Variants in DNAJC6 observed in about 807,000 individuals in gnomAD.
The protein encoded by DNAJC6 is auxilin.
A neutral mutation model predicts 110.0 loss-of-function variants in DNAJC6; 34 were observed. The ratio of observed to expected loss-of-function variants is 0.31; its 90% CI spans 0.24 to 0.41. The LOEUF is 0.41. Among genes scored for constraint, DNAJC6 ranks in the 10% least tolerant of loss-of-function variants. The probability of loss-of-function intolerance (pLI) is 1.00; values close to 1 mark genes in which losing one functional copy is unlikely to be tolerated. For missense variants in DNAJC6, 1,031 were observed against 1,207.8 expected (o/e 0.85, Z 2.17); for synonymous variants, 406 against 437.2 (o/e 0.93, Z 0.89).
upstream of DNAJC6, among the ~76,000 whole-genome samples, chr1:65,308,318 TC>T (rs1645063764): frequency 1.3e-5 from 2 of 152,210 alleles, no homozygotes; most frequent in African/African-American, 4.8e-5. Context: ...GGAAACTCTG[TC>T]AAATGACTCT....
intron 1 of DNAJC6, among the ~76,000 whole-genome samples, 184 bp downstream of exon 1, chr1:65,310,122 G>T (rs1452515856): frequency 6.7e-6 from 1 of 149,866 alleles, no homozygotes; most frequent in African/African-American, 2.5e-5. Flanking sequence ...AGGGAGCTAC[G>T]AAACGTTAGA....
At chr1:65,281,773 T>C (rs1346788239) in intron 1 of DNAJC6, among the ~76,000 whole-genome samples, 1 of 152,054 alleles carries the variant, frequency 6.6e-6, no homozygotes, top group East Asian at 1.9e-4. Context: ...CACGCCTGGC[T>C]AATTTTTTGT....
intron 1 of DNAJC6, among the ~76,000 whole-genome samples, chr1:65,362,257 A>G (rs1345542359): frequency 6.6e-6 from 1 of 152,156 alleles, no homozygotes; most frequent in Admixed American, 6.5e-5. Flanking sequence ...TATCTATTTC[A>G]TTGGGATGCT....
At chr1:65,357,707 G>C (rs983123110) in intron 1 of DNAJC6, among the ~76,000 whole-genome samples, 1 of 152,144 alleles carries the variant, frequency 6.6e-6, no homozygotes, top group Admixed American at 6.6e-5. Context: ...GCTCTTGGAG[G>C]GCTGTTGGCA....
At chr1:65,398,642 C>G (rs1039744360) in intron 13 of DNAJC6, among the ~76,000 whole-genome samples, 171 bp from the exon 14 acceptor site, 1 of 152,168 alleles carries the variant, frequency 6.6e-6, no homozygotes, top group Admixed American at 6.5e-5. Flanking sequence ...GAAGGCAGAA[C>G]ATATTGAATG....
upstream of DNAJC6, among the ~76,000 whole-genome samples, chr1:65,307,065 T>C (rs1310402834): frequency 6.7e-6 from 1 of 149,522 alleles, no homozygotes; most frequent in Non-Finnish European, 1.5e-5. Context: ...CTAATTCTTC[T>C]ATATAATGAT....
At chr1:65,383,047 G>C (rs942000437) in intron 5 of DNAJC6, among the ~76,000 whole-genome samples, 1 of 152,194 alleles carries the variant, frequency 6.6e-6, no homozygotes, top group African/African-American at 2.4e-5. Flanking sequence ...GGGTCATTTA[G>C]TGGAAGCTAT....
Position 65,414,701 on chromosome 1 carries a change from A to C in DNAJC6, c.*1676A>C, listed in dbSNP as rs577669988. On this transcript the variant is annotated 3_prime_UTR_variant, in exon 19 of 19. Transcript: ENST00000371069. Reference sequence around the variant, plus strand: ...TAAATATACAGTCATAAACTGTTCAAGGTAACCATAACAAACTAGGTGTTA... The same window carrying C: ...TAAATATACAGTCATAAACTGTTCACGGTAACCATAACAAACTAGGTGTTA... The C allele has an allele frequency of 6.5e-5, 10 of 152,786 alleles. No homozygotes were observed. The highest frequency in any genetic ancestry group is 1.3e-4 in the Admixed American group (2 of 15,304). The allele number at this position is 152,786 out of a possible 1,614,324, so 9.5% of individuals were successfully genotyped here.
Position 65,411,395 on chromosome 1 carries a change from G to A in DNAJC6, c.2780G>A (p.Arg927Lys). Residue 927 changes from arginine to lysine, a missense_variant, in exon 18 of 19, where the codon AGG (arginine) becomes AAG (lysine). Transcript: ENST00000371069. ...CCAGAGCAGGTGAAGAAGGTGTACA[G>A]GAAGGCTGTCCTGGTGGTGCACCCA... ...VTPEQVKKVY[R>K]KAVLVVHPDK... 1 of 1,614,108 alleles carries A rather than the reference G, an allele frequency of 6.2e-7. No individual in the cohort carries two copies. Among genetic ancestry groups the A allele is most frequent in the East Asian group, 2.2e-5 (1 of 44,876 alleles).
At chr1:65,348,989 T>A (rs1570310753) in intron 1 of DNAJC6, among the ~76,000 whole-genome samples, 1 of 143,798 alleles carries the variant, frequency 7.0e-6, no homozygotes, top group Non-Finnish European at 1.5e-5. Flanking sequence ...AATATATAAA[T>A]ATATATGTAA....
rs1645797890 is a variant in DNAJC6, at chr1:65,379,516, C to A, written c.658C>A (p.His220Asn). ...GAATCCCAAAAATGTCTGTGTTGTC[C>A]ACTGCTTGGTGAGTAACCTTTTGTT... ...LQNPKNVCVV[H>N]CLDGRAASSI... The change falls in exon 5 of 19, where the codon CAC becomes AAC. Residue 220 changes from histidine to asparagine, a missense_variant. Physicochemically the swap from His to Asn is moderately conservative, Grantham distance 68. Transcript: ENST00000371069. 1.9e-6 allele frequency: 3 copies of A among 1,613,712 alleles called. No homozygotes were observed. The highest frequency in any genetic ancestry group is 2.5e-6 in the Non-Finnish European group (3 of 1,179,904).
chr1:65,407,860 A>G (rs1646092267), intron 16 of DNAJC6, among the ~76,000 whole-genome samples: 1 of 152,082 alleles, frequency 6.6e-6, no homozygotes, highest in Non-Finnish European at 1.5e-5. Context: ...CAACTCAAAA[A>G]CTGATTTTGG....
At chr1:65,396,981 TC>T (rs1570371824) in intron 13 of DNAJC6, among the ~76,000 whole-genome samples, 1 of 152,316 alleles carries the variant, frequency 6.6e-6, no homozygotes, top group East Asian at 1.9e-4. Flanking sequence ...ACCCTTTGTG[TC>T]CCATGGACGT....
intron 1 of DNAJC6, among the ~76,000 whole-genome samples, chr1:65,333,254 GA>G (rs1645304853): frequency 6.6e-6 from 1 of 152,044 alleles, no homozygotes. Flanking sequence ...GAGATCTTTG[GA>G]TATGCTTCCA....
intron 1 of DNAJC6, among the ~76,000 whole-genome samples, chr1:65,290,034 T>C (rs1397550119): frequency 6.6e-6 from 1 of 152,094 alleles, no homozygotes; most frequent in African/African-American, 2.4e-5. Context: ...GGTCTTGAAC[T>C]CCTGACCTCA....
At chr1:65,268,063 T>C (rs1425689925) in intron 1 of DNAJC6, among the ~76,000 whole-genome samples, 3 of 152,202 alleles carry the variant, frequency 2.0e-5, no homozygotes, top group African/African-American at 4.8e-5. Flanking sequence ...ATGAATTGTT[T>C]GGAAGTCAAT....
Position 65,389,642 on chromosome 1 carries a change from T to G in DNAJC6, c.1468+15T>G. 6.2e-7 allele frequency: 1 copy of G among 1,612,486 alleles called. No homozygotes were observed. Among genetic ancestry groups the G allele is most frequent in the Non-Finnish European group, 8.5e-7 (1 of 1,178,492 alleles). Reference sequence around the variant, plus strand: ...CTGTTGGCAAGGTATTTACAAGTGTTTCTTTAAGTCACATGGTTTGATGAT... The same window carrying G: ...CTGTTGGCAAGGTATTTACAAGTGTGTCTTTAAGTCACATGGTTTGATGAT... On this transcript the variant is annotated intron_variant, in intron 11 of 18. Coordinates refer to ENST00000371069, the MANE Select transcript of DNAJC6 (RefSeq NM_001256864.2).
chr1:65,346,224 A>G (rs1645435435), intron 1 of DNAJC6, among the ~76,000 whole-genome samples: 1 of 152,214 alleles, frequency 6.6e-6, no homozygotes, highest in Non-Finnish European at 1.5e-5. Context: ...CTGATAATTT[A>G]GATGCTGAAG....
intron 1 of DNAJC6, among the ~76,000 whole-genome samples, chr1:65,287,677 C>T (rs866145269): frequency 2.6e-5 from 4 of 152,192 alleles, no homozygotes; most frequent in South Asian, 2.1e-4. Flanking sequence ...AATCAGGGCT[C>T]ACTGCAGCCG....
Sources: allele counts gnomAD v4.1 joint callset (sites outside exome capture counted in the v4.1 genomes callset), GRCh38; gene constraint gnomAD v4.1.1; transcripts MANE v1.5; gene names NCBI Gene and HGNC (gene_info 2026-07-23, HGNC 2026-07-21).